The following NEGR1 variants were observed in gnomAD, a reference collection of about 807,000 sequenced individuals.
NEGR1 encodes neuronal growth regulator 1.
A neutral mutation model predicts 40.9 loss-of-function variants in NEGR1; 10 were observed. That is an observed-to-expected ratio of 0.24 (90% CI 0.15 to 0.42). NEGR1 has a LOEUF of 0.42. NEGR1 is among the 10% of genes least tolerant of loss of function. The pLI, the probability that NEGR1 is intolerant of heterozygous loss-of-function variation, is 1.00. For missense variants in NEGR1, 352 were observed against 438.9 expected, an observed-to-expected ratio of 0.80 and a Z score of 1.77; for synonymous variants, 185 against 166.8, an observed-to-expected ratio of 1.11 and a Z score of -0.84.
chr1:71,968,668 T>C (rs1279906597), intron 1 of NEGR1, among the ~76,000 whole-genome samples: 1 of 152,224 alleles, frequency 6.6e-6, no homozygotes, highest in Non-Finnish European at 1.5e-5. Context: ...AAACATTCTA[T>C]AGGTATTATT....
intron 2 of NEGR1, among the ~76,000 whole-genome samples, chr1:71,927,717 T>A (rs910979551): frequency 6.8e-6 from 1 of 147,456 alleles, no homozygotes; most frequent in Non-Finnish European, 1.5e-5. Flanking sequence ...TAGGGGCTCA[T>A]GTCAGTAATC....
At chr1:71,700,150 T>C (rs1653638432) in intron 3 of NEGR1, among the ~76,000 whole-genome samples, 1 of 152,016 alleles carries the variant, frequency 6.6e-6, no homozygotes, top group Non-Finnish European at 1.5e-5. Context: ...AATAAAAATA[T>C]TTACCTTTTT....
chr1:71,588,499 G>T (rs955926155), intron 6 of NEGR1, among the ~76,000 whole-genome samples: 1 of 152,048 alleles, frequency 6.6e-6, no homozygotes, highest in Non-Finnish European at 1.5e-5. Flanking sequence ...GAGGATGAGG[G>T]ATCTTCATTG....
At chr1:72,266,173 TAATTG>T (rs1256320687) in intron 1 of NEGR1, among the ~76,000 whole-genome samples, 2 of 150,826 alleles carry the variant, frequency 1.3e-5, no homozygotes, top group Non-Finnish European at 3.0e-5. Context: ...TTCTGGTGAG[TAATTG>T]ACATAACATT....
At chr1:71,702,582 A>T (rs1653733008) in intron 3 of NEGR1, among the ~76,000 whole-genome samples, 1 of 152,078 alleles carries the variant, frequency 6.6e-6, no homozygotes, top group African/African-American at 2.4e-5. Context: ...GAATATTTTA[A>T]AGAATCACAT....
At chr1:71,837,592 T>C (rs1237112396) in intron 2 of NEGR1, among the ~76,000 whole-genome samples, 1 of 152,102 alleles carries the variant, frequency 6.6e-6, no homozygotes, top group African/African-American at 2.4e-5. Flanking sequence ...ATCACTCTTT[T>C]AATAACTGGA....
intron 1 of NEGR1, among the ~76,000 whole-genome samples, chr1:72,178,245 T>A: frequency 6.6e-6 from 1 of 152,032 alleles, no homozygotes; most frequent in Non-Finnish European, 1.5e-5. Context: ...CAGTTAATTA[T>A]AAAAAATCAT....
rs114354796 is a variant in NEGR1 at position 72,272,713 on chromosome 1, A to G, written c.176+9606T>C. 7.3e-3 allele frequency among the ~76,000 whole-genome samples: 1,117 copies of G among 152,070 alleles called. 15 individuals are homozygous for G. Among genetic ancestry groups the G allele is most frequent in the African/African-American group, 0.025 (1,043 of 41,538 alleles). On this transcript the variant is annotated intron_variant, in intron 1 of 6. Transcript: ENST00000357731. ...TATGGCAGTAGCCACAGCTTTAAAC[A>G]TACGCTAATACACACACAAACTCTA...
At chr1:71,787,364 T>C (rs1656949458) in intron 2 of NEGR1, among the ~76,000 whole-genome samples, 1 of 152,164 alleles carries the variant, frequency 6.6e-6, no homozygotes, top group African/African-American at 2.4e-5. Flanking sequence ...ATTACTTATG[T>C]TGAAAACAAA....
chr1:71,691,504 C>T (rs902578175), intron 4 of NEGR1, among the ~76,000 whole-genome samples: 4 of 151,540 alleles, frequency 2.6e-5, no homozygotes, highest in Admixed American at 6.6e-5. Flanking sequence ...TCACTATTAT[C>T]GTTTTAATCT....
At chr1:71,556,131 T>C (rs915232005) in intron 6 of NEGR1, among the ~76,000 whole-genome samples, 2 of 151,494 alleles carry the variant, frequency 1.3e-5, no homozygotes, top group African/African-American at 2.4e-5. Context: ...GAAAATAAAA[T>C]AGTTTGAGGA....
chr1:71,777,213 A>T (rs994630301), intron 2 of NEGR1, among the ~76,000 whole-genome samples: 2 of 152,118 alleles, frequency 1.3e-5, no homozygotes, highest in African/African-American at 4.8e-5. Flanking sequence ...TGCATTATTT[A>T]GAGTAAGTTA....
chr1:72,147,575 C>G (rs1650957862), intron 1 of NEGR1, among the ~76,000 whole-genome samples: 2 of 152,070 alleles, frequency 1.3e-5, no homozygotes, highest in African/African-American at 4.8e-5. Context: ...TCTCATATTT[C>G]AAAACCAATC....
intron 2 of NEGR1, among the ~76,000 whole-genome samples, chr1:71,859,857 C>A (rs1659892107): frequency 6.6e-6 from 1 of 152,004 alleles, no homozygotes. Context: ...TTTTATTCAT[C>A]CATCTAAATA....
chr1:72,268,465 A>G (rs1457990378), intron 1 of NEGR1, among the ~76,000 whole-genome samples: 1 of 151,438 alleles, frequency 6.6e-6, no homozygotes, highest in East Asian at 1.9e-4. Flanking sequence ...GTTTAAGAAT[A>G]TAGACTGAAT....
intron 1 of NEGR1, among the ~76,000 whole-genome samples, chr1:72,110,226 A>AAAAAT (rs1553141081): frequency 2.2e-4 from 32 of 146,762 alleles, no homozygotes; most frequent in African/African-American, 8.2e-4. Context: ...TATAATAAAA[A>AAAAAT]AAAAAAAAAA....
At chr1:72,243,430 CCT>C (rs1425817670) in intron 1 of NEGR1, among the ~76,000 whole-genome samples, 2 of 151,556 alleles carry the variant, frequency 1.3e-5, no homozygotes, top group Non-Finnish European at 3.0e-5. Context: ...TGGTTTATCC[CCT>C]GTGACACGCA....
intron 1 of NEGR1, among the ~76,000 whole-genome samples, chr1:71,955,785 G>T (rs1197241097): frequency 2.0e-5 from 3 of 152,060 alleles, no homozygotes; most frequent in African/African-American, 7.2e-5. Context: ...CATCTTTGTT[G>T]TCAGTTCCTC....
chr1:72,088,397 T>C (rs1466260941), intron 1 of NEGR1, among the ~76,000 whole-genome samples: 1 of 152,180 alleles, frequency 6.6e-6, no homozygotes, highest in Non-Finnish European at 1.5e-5. Context: ...ATTCGGGCTA[T>C]CACAGTAGAC....
Sources: gnomAD v4.1 joint callset for allele counts (sites outside exome capture counted in the v4.1 genomes callset) on GRCh38, gnomAD v4.1.1 for gene constraint, MANE v1.5 for transcripts, NCBI Gene and HGNC (gene_info 2026-07-23, HGNC 2026-07-21) for gene names.